SYT1: variants seen among roughly 807,000 people sequenced by gnomAD.
SYT1 encodes the protein synaptotagmin-1.
Under a neutral mutation model 44.8 loss-of-function variants are expected in SYT1, and 8 were observed. That is an observed-to-expected ratio of 0.18 (90% confidence interval 0.10 to 0.32). The LOEUF (loss-of-function observed/expected upper bound fraction) is 0.32, where lower values mean the gene tolerates loss of function less well. Ranked by LOEUF, SYT1 falls within the 10% of genes least tolerant of loss-of-function variation. The pLI, the probability that SYT1 is intolerant of heterozygous loss-of-function variation, is 1.00. For synonymous variants in SYT1, 154 were observed against 188.8 expected (o/e 0.82, Z 1.51); for missense variants, 286 against 509.3 (o/e 0.56, Z 4.22).
intron 3 of SYT1, among the ~76,000 whole-genome samples, chr12:79,082,666 C>T (rs919395354): frequency 6.6e-6 from 1 of 152,144 alleles, no homozygotes; most frequent in African/African-American, 2.4e-5. Flanking sequence ...TTGCTGCTTG[C>T]TGTATCTGAG....
At chr12:79,279,907 A>G (rs1878953416) in intron 4 of SYT1, among the ~76,000 whole-genome samples, 1 of 152,122 alleles carries the variant, frequency 6.6e-6, no homozygotes, top group South Asian at 2.1e-4. Context: ...TGCAAAAAAC[A>G]TAAAATACCT....
intron 4 of SYT1, among the ~76,000 whole-genome samples, chr12:79,253,555 CACA>C: frequency 6.6e-6 from 1 of 150,730 alleles, no homozygotes; most frequent in South Asian, 2.1e-4. Flanking sequence ...TTCTCTGAGA[CACA>C]ACAATATTGA....
chr12:79,342,874 G>T (rs1167267325), intron 8 of SYT1, among the ~76,000 whole-genome samples: 2 of 152,148 alleles, frequency 1.3e-5, no homozygotes, highest in Non-Finnish European at 2.9e-5. Flanking sequence ...ATGACTAGTG[G>T]ACAGTTAGAT....
At chr12:79,101,802 G>A (rs981530095) in intron 3 of SYT1, among the ~76,000 whole-genome samples, 1 of 152,086 alleles carries the variant, frequency 6.6e-6, no homozygotes, top group Admixed American at 6.6e-5. Flanking sequence ...AGCTACTCGA[G>A]GGCTGAGGCC....
chr12:79,440,541 T>G (rs1283200343), intron 9 of SYT1, among the ~76,000 whole-genome samples: 1 of 152,178 alleles, frequency 6.6e-6, no homozygotes, highest in Non-Finnish European at 1.5e-5. Context: ...TAGTGAATGT[T>G]TAGATGCTAT....
chr12:79,279,304 C>CA (rs1878916072), intron 4 of SYT1, among the ~76,000 whole-genome samples: 1 of 152,066 alleles, frequency 6.6e-6, no homozygotes, highest in African/African-American at 2.4e-5. Flanking sequence ...TCACCGCAAT[C>CA]AAGTGGGTTT....
intron 2 of SYT1, among the ~76,000 whole-genome samples, chr12:78,983,213 A>C (rs1276618764): frequency 6.6e-6 from 1 of 152,012 alleles, no homozygotes; most frequent in Non-Finnish European, 1.5e-5. Context: ...CCATCATCTT[A>C]AGTGGAAGGA....
chr12:79,434,362 A>C (rs1368962783), intron 9 of SYT1, among the ~76,000 whole-genome samples: 2 of 152,186 alleles, frequency 1.3e-5, no homozygotes, highest in Non-Finnish European at 2.9e-5. Context: ...TACAGGGAGT[A>C]TTTTATTCTA....
At chr12:79,284,328 T>G (rs1430275981) in intron 4 of SYT1, among the ~76,000 whole-genome samples, 1 of 152,194 alleles carries the variant, frequency 6.6e-6, no homozygotes, top group Non-Finnish European at 1.5e-5. Flanking sequence ...TATATTTATG[T>G]ATATATGTTC....
intron 9 of SYT1, among the ~76,000 whole-genome samples, chr12:79,427,625 G>A (rs995732317): frequency 1.3e-5 from 2 of 152,204 alleles, no homozygotes; most frequent in African/African-American, 2.4e-5. Flanking sequence ...AGTAAACTCT[G>A]CTTTAGAATG....
intron 1 of SYT1, among the ~76,000 whole-genome samples, chr12:78,893,934 G>A (rs1875196937): frequency 1.3e-5 from 2 of 151,638 alleles, no homozygotes; most frequent in South Asian, 2.1e-4. Context: ...GCTTCCAGGG[G>A]CTTGGAATGA....
intron 1 of SYT1, among the ~76,000 whole-genome samples, chr12:78,873,630 G>T (rs1449556468): frequency 6.6e-6 from 1 of 151,578 alleles, no homozygotes; most frequent in African/African-American, 2.4e-5. Context: ...AATCATAAGT[G>T]TTGTAGCTTT....
chr12:78,864,657 C>T (rs1873430659), upstream of SYT1: 1 of 152,280 alleles, frequency 6.6e-6, no homozygotes, highest in Admixed American at 6.5e-5. Context: ...CGCAGCGTAC[C>T]CGAGGTGGAG....
At chr12:79,164,732 G>C (rs1871139737) in intron 3 of SYT1, among the ~76,000 whole-genome samples, 1 of 152,050 alleles carries the variant, frequency 6.6e-6, no homozygotes, top group Non-Finnish European at 1.5e-5. Context: ...GCTTTGCAAA[G>C]TGGATAGATT....
At chr12:79,042,969 G>T (rs1024534028) in intron 2 of SYT1, among the ~76,000 whole-genome samples, 4 of 148,694 alleles carry the variant, frequency 2.7e-5, no homozygotes, top group Non-Finnish European at 5.9e-5. Context: ...GTTCTAGTTT[G>T]ATTGCACTGT....
intron 4 of SYT1, among the ~76,000 whole-genome samples, chr12:79,220,212 G>A (rs1875071899): frequency 6.6e-6 from 1 of 151,886 alleles, no homozygotes; most frequent in South Asian, 2.1e-4. Flanking sequence ...GTATATAATT[G>A]TTCATAAGAG....
chr12:79,147,060 C>T (rs751754364), intron 3 of SYT1, among the ~76,000 whole-genome samples: 2 of 152,034 alleles, frequency 1.3e-5, no homozygotes, highest in South Asian at 2.1e-4. Flanking sequence ...AGGCTGGTCT[C>T]GAACTCCTCA....
At chr12:79,073,978 A>T (rs974879730) in intron 3 of SYT1, among the ~76,000 whole-genome samples, 4 of 152,164 alleles carry the variant, frequency 2.6e-5, no homozygotes, top group Non-Finnish European at 5.9e-5. Flanking sequence ...TTGCTTATTT[A>T]ACTAAATTGT....
intron 1 of SYT1, among the ~76,000 whole-genome samples, chr12:78,867,765 A>G (rs1873619279): frequency 6.6e-6 from 1 of 152,036 alleles, no homozygotes. Context: ...TCATCTGGTC[A>G]AATTATCAGA....
Sources: allele counts gnomAD v4.1 joint callset (sites outside exome capture counted in the v4.1 genomes callset), GRCh38; gene constraint gnomAD v4.1.1; transcripts MANE v1.5; gene names NCBI Gene and HGNC (gene_info 2026-07-23, HGNC 2026-07-21).